Variants in ETV1 observed in about 807,000 individuals in gnomAD.
The protein encoded by ETV1 is ETS translocation variant 1.
ETV1 carries 27 observed loss-of-function variants against 62.3 expected under a neutral mutation model. That is an observed-to-expected ratio of 0.43 (90% CI 0.32 to 0.60). The LOEUF is 0.60. Ranked by LOEUF, ETV1 falls within the 20% of genes least tolerant of loss-of-function variation. The pLI is 0.06. For missense variants in ETV1, 605 were observed against 605.8 expected (o/e 1.00, Z 0.01); for synonymous variants, 222 against 199.6 (o/e 1.11, Z -0.94).
chr7:13,928,035 A>G (rs1006283031), intron 9 of ETV1, among the ~76,000 whole-genome samples: 1 of 152,350 alleles, frequency 6.6e-6, no homozygotes, highest in East Asian at 1.9e-4. Flanking sequence ...GATGCCATAC[A>G]TACCTTCGAC....
At chr7:13,945,016 C>T (rs1157687391) in intron 6 of ETV1, among the ~76,000 whole-genome samples, 2 of 152,104 alleles carry the variant, frequency 1.3e-5, no homozygotes, top group African/African-American at 4.8e-5. Flanking sequence ...TCTCACAGCC[C>T]TCCGATCCCT....
At chr7:13,960,547 G>A (rs1790050715) in intron 6 of ETV1, among the ~76,000 whole-genome samples, 1 of 151,816 alleles carries the variant, frequency 6.6e-6, no homozygotes, top group African/African-American at 2.4e-5. Context: ...ATAAAACTTA[G>A]ATTTAAACCC....
chr7:13,942,658 A>G (rs1242272920), intron 6 of ETV1, among the ~76,000 whole-genome samples: 1 of 152,160 alleles, frequency 6.6e-6, no homozygotes, highest in Non-Finnish European at 1.5e-5. Flanking sequence ...GCATATATCC[A>G]AGTTTTAGCA....
chr7:13,917,519 C>G (rs1200644529), intron 9 of ETV1, among the ~76,000 whole-genome samples: 2 of 151,800 alleles, frequency 1.3e-5, no homozygotes, highest in African/African-American at 4.8e-5. Flanking sequence ...GTTTCACTAT[C>G]TTAAGTCAGG....
intron 12 of ETV1, among the ~76,000 whole-genome samples, chr7:13,901,997 G>A (rs1332984961): frequency 6.6e-6 from 1 of 152,100 alleles, no homozygotes. Flanking sequence ...CCCCAGGCTA[G>A]CCAAAGCAGT....
rs1351382673 is a variant in ETV1, at chr7:13,893,125, A to G, written c.*2741T>C. The G allele has an allele frequency of 4.3e-6, 1 of 232,520 alleles. No homozygotes were observed. The highest frequency in any genetic ancestry group is 8.5e-6 in the Non-Finnish European group (1 of 117,714). The allele number at this position is 232,520 out of a possible 1,614,324, so 14.4% of individuals were successfully genotyped here. On this transcript the variant is annotated 3_prime_UTR_variant, in exon 14 of 14. Transcript: ENST00000430479. ...TATTTGAGTATAAGTGTTTGTTGCA[A>G]TTAATCTATTGGGTATTAACATGTC...
chr7:13,913,436 CTCCCAACTTCCTCATCTGTAAAGTGGGAA>C (rs1215395563), intron 9 of ETV1, among the ~76,000 whole-genome samples: 1 of 152,164 alleles, frequency 6.6e-6, no homozygotes, highest in African/African-American at 2.4e-5. Flanking sequence ...ACATCTCTAA[CTCCCAACTTCCTCATCTGTAAAGTGGGAA>C]TAATAATAAT....
chr7:13,931,779 A>C, intron 8 of ETV1, 30 bp from the exon 9 acceptor site: 1 of 1,608,142 alleles, frequency 6.2e-7, no homozygotes, highest in South Asian at 1.1e-5. Flanking sequence ...GTTTCAGATG[A>C]AACGGTAACA....
intron 5 of ETV1, among the ~76,000 whole-genome samples, chr7:13,981,940 G>A (rs2128507211): frequency 6.6e-6 from 1 of 152,022 alleles, no homozygotes; most frequent in East Asian, 1.9e-4. Flanking sequence ...ACTAAGCTTG[G>A]TTTTATACCA....
chr7:13,914,545 C>T (rs1359233136), intron 9 of ETV1, among the ~76,000 whole-genome samples: 1 of 149,990 alleles, frequency 6.7e-6, no homozygotes, highest in Non-Finnish European at 1.5e-5. Flanking sequence ...CCCAAACTAT[C>T]TAATTTGATT....
intron 4 of ETV1, among the ~76,000 whole-genome samples, chr7:13,987,481 C>T (rs928634638): frequency 6.6e-6 from 1 of 152,096 alleles, no homozygotes; most frequent in African/African-American, 2.4e-5. Context: ...ATCCTAGCAA[C>T]AGTTCATAAA....
chr7:13,972,963 A>G (rs1258366753), intron 6 of ETV1, among the ~76,000 whole-genome samples: 3 of 152,110 alleles, frequency 2.0e-5, no homozygotes, highest in Non-Finnish European at 4.4e-5. Context: ...GCATCCTTCA[A>G]AGGTTAGCAA....
At chr7:13,971,615 G>T (rs868149654) in intron 6 of ETV1, among the ~76,000 whole-genome samples, 5 of 152,094 alleles carry the variant, frequency 3.3e-5, no homozygotes, top group South Asian at 2.1e-4. Context: ...TGGGAATTTT[G>T]CATAACCCTG....
intron 6 of ETV1, among the ~76,000 whole-genome samples, chr7:13,972,086 G>A (rs945789898): frequency 6.6e-6 from 1 of 152,022 alleles, no homozygotes; most frequent in Admixed American, 6.6e-5. Context: ...CTCCAGCCTG[G>A]ATGATACAGC....
At chr7:13,936,436 T>C (rs1786812161) in intron 7 of ETV1, among the ~76,000 whole-genome samples, 2 of 152,204 alleles carry the variant, frequency 1.3e-5, no homozygotes, top group African/African-American at 2.4e-5. Context: ...ATGCTTGGCA[T>C]TAACTTCCCC....
chr7:13,972,092 A>G (rs1261959519), intron 6 of ETV1, among the ~76,000 whole-genome samples: 3 of 151,728 alleles, frequency 2.0e-5, no homozygotes, highest in Non-Finnish European at 2.9e-5. Flanking sequence ...CCTGGATGAT[A>G]CAGCGAGACT....
rs1018884790 is a variant in ETV1, at chr7:13,892,358, T to C, written c.*3508A>G. ...TTACCAGACATTTTAGTGGAATAGT[T>C]GAAATTTAATATAGAAAGTTTTCAA... On this transcript the variant is annotated 3_prime_UTR_variant, in exon 14 of 14. Coordinates refer to ENST00000430479, the MANE Select transcript of ETV1 (RefSeq NM_004956.5). 5 of 232,508 alleles carry C rather than the reference T, an allele frequency of 2.2e-5. No homozygotes were observed. The highest frequency in any genetic ancestry group is 8.8e-5 in the African/African-American group (4 of 45,432). The allele number at this position is 232,508 out of a possible 1,614,324, so 14.4% of individuals were successfully genotyped here.
chr7:13,920,209 T>G (rs143213526), intron 9 of ETV1, among the ~76,000 whole-genome samples: 1 of 152,148 alleles, frequency 6.6e-6, no homozygotes, highest in South Asian at 2.1e-4. Flanking sequence ...AAATGACATA[T>G]TTGAATGGAA....
intron 5 of ETV1, 24 bp downstream of exon 5, chr7:13,986,614 C>T (rs1185546504): frequency 1.9e-6 from 3 of 1,610,694 alleles, no homozygotes; most frequent in Non-Finnish European, 2.5e-6. Flanking sequence ...GCTTTCCCCC[C>T]TTTTAAAGCA....
Sources: gnomAD v4.1 joint callset for allele counts (sites outside exome capture counted in the v4.1 genomes callset) on GRCh38, gnomAD v4.1.1 for gene constraint, MANE v1.5 for transcripts, NCBI Gene and HGNC (gene_info 2026-07-23, HGNC 2026-07-21) for gene names.